Variants in F9 observed in about 807,000 individuals in gnomAD.
F9 encodes coagulation factor IX.
A neutral mutation model predicts 34.1 loss-of-function variants in F9; 2 were observed. The ratio of observed to expected loss-of-function variants is 0.06; its 90% CI spans 0.02 to 0.18. The LOEUF is 0.18. Ranked by LOEUF, F9 falls within the 10% of genes least tolerant of loss-of-function variation. F9 has a pLI of 1.00. For synonymous variants in F9, 137 were observed against 118.8 expected (o/e 1.15, Z -1.00); for missense variants, 216 against 345.1 (o/e 0.63, Z 2.96).
chrX:139,561,835 C>T lies in F9; in HGVS notation c.1150C>T (p.Arg384Ter), dbSNP rs137852261. 8.3e-7 allele frequency: 1 copy of T among 1,210,030 alleles called. No individual in the cohort carries two copies. Among genetic ancestry groups the T allele is most frequent in the African/African-American group, 1.8e-5 (1 of 57,105 alleles). The change falls in exon 8 of 8, where the codon CGA becomes TGA. Residue 384 changes from arginine to a stop codon, truncating the protein, a stop_gained. Coordinates refer to ENST00000218099, the MANE Select transcript of F9 (RefSeq NM_000133.4). LOFTEE classifies it high-confidence loss of function. ...ACTTGTTGACCGAGCCACATGTCTTCGATCTACAAAGTTCACCATCTATAA... is the reference window on the plus strand; with the variant it reads ...ACTTGTTGACCGAGCCACATGTCTTTGATCTACAAAGTTCACCATCTATAA... Reference protein sequence around the residue: ...VPLVDRATCLRSTKFTIYNNM... With the variant: ...VPLVDRATCL
At chrX:139,561,392 A>G (rs1928098033) in intron 7 of F9, 132 bp from the exon 8 acceptor site, 1 of 606,051 alleles carries the variant, frequency 1.7e-6, no homozygotes, top group African/African-American at 2.3e-5. Context: ...ATTACATTTA[A>G]CCAAAATTAT....
intron 3 of F9, among the ~76,000 whole-genome samples, chrX:139,539,769 G>A (rs1329934550): frequency 8.9e-6 from 1 of 112,171 alleles, no homozygotes; most frequent in African/African-American, 3.2e-5. Flanking sequence ...GAACAAATTA[G>A]AGTATCTGTG....
intron 6 of F9, among the ~76,000 whole-genome samples, chrX:139,557,027 T>A (rs1927983793): frequency 8.9e-6 from 1 of 112,369 alleles, no homozygotes; most frequent in Non-Finnish European, 1.9e-5. Flanking sequence ...GGGCTGGCAT[T>A]GTCAATGAAG....
intron 1 of F9, among the ~76,000 whole-genome samples, chrX:139,536,214 C>CTGTGT (rs1569481876): frequency 1.5e-4 from 11 of 72,583 alleles, no homozygotes; most frequent in Admixed American, 1.5e-3. Flanking sequence ...TATATACACA[C>CTGTGT]ACATATATAT....
intron 6 of F9, among the ~76,000 whole-genome samples, chrX:139,557,417 C>G (rs1927993095): frequency 8.9e-6 from 1 of 111,911 alleles, no homozygotes; most frequent in Non-Finnish European, 1.9e-5. Flanking sequence ...AAAAATAATG[C>G]TCTTCAGACT....
chrX:139,537,624 C>T (rs181115101), intron 3 of F9, among the ~76,000 whole-genome samples: 1 of 111,530 alleles, frequency 9.0e-6, no homozygotes, highest in Non-Finnish European at 1.9e-5. Flanking sequence ...TGTTCCACCC[C>T]AGGAGGGTGG....
intron 6 of F9, among the ~76,000 whole-genome samples, chrX:139,557,275 CA>C (rs1927989547): frequency 8.9e-6 from 1 of 111,985 alleles, no homozygotes; most frequent in Admixed American, 9.5e-5. Context: ...TCTCATACCC[CA>C]AATAGCTAAT....
chrX:139,560,624 C>T, intron 6 of F9, 117 bp from the exon 7 acceptor site: 1 of 530,981 alleles, frequency 1.9e-6, no homozygotes, highest in South Asian at 2.6e-5. Context: ...AGAAACATTC[C>T]ATTTCTGCCA....
chrX:139,539,154 A>G (rs992122516), intron 3 of F9, among the ~76,000 whole-genome samples: 4 of 111,901 alleles, frequency 3.6e-5, no homozygotes, highest in African/African-American at 6.5e-5. Context: ...CAACCACATT[A>G]CTAGCATCTG....
intron 3 of F9, among the ~76,000 whole-genome samples, chrX:139,538,627 G>A (rs372424074): frequency 1.3e-4 from 15 of 111,440 alleles, no homozygotes; most frequent in Non-Finnish European, 2.3e-4. Context: ...TCTTAGAAAC[G>A]AATACTACCA....
At chrX:139,560,568 G>C (rs926402475) in intron 6 of F9, among the ~76,000 whole-genome samples, 173 bp from the exon 7 acceptor site, 7 of 112,103 alleles carry the variant, frequency 6.2e-5, no homozygotes, top group Admixed American at 4.7e-4. Flanking sequence ...TGGCTTTTTT[G>C]TTTATGCACC....
At position 139,559,066 on chromosome X, in the gene F9, C is replaced by T. The variant is rs143710181; in HGVS notation, c.724-1675C>T. On this transcript the variant is annotated intron_variant, in intron 6 of 7. Transcript: ENST00000218099. ...CATCTATAAATAAATATATTAATAT[C>T]ATGTCATAAGGATATTATGTTGTAT... Among the ~76,000 whole-genome samples, 638 of 112,126 alleles carry T rather than the reference C, an allele frequency of 5.7e-3. 18 individuals carry two copies. The highest frequency in any genetic ancestry group is 0.054 in the Admixed American group (572 of 10,546).
At chrX:139,550,954 C>G (rs1465943409) in intron 5 of F9, 108 bp from the exon 6 acceptor site, 1 of 634,871 alleles carries the variant, frequency 1.6e-6, no homozygotes, top group African/African-American at 2.2e-5. Flanking sequence ...ACTGATGGGC[C>G]TGCTTCTCAG....
intron 4 of F9, among the ~76,000 whole-genome samples, chrX:139,544,135 G>A (rs190775660): frequency 8.9e-6 from 1 of 111,977 alleles, no homozygotes; most frequent in East Asian, 2.8e-4. Context: ...TCACAATTGA[G>A]AAAACACAGA....
Position 139,562,100 on chromosome X carries a change from T to C in F9, c.*29T>C, listed in dbSNP as rs746927463. 2.5e-6 allele frequency: 3 copies of C among 1,178,246 alleles called. No individual in the cohort carries two copies. Among genetic ancestry groups the C allele is most frequent in the East Asian group, 3.0e-5 (1 of 33,722 alleles). Reference sequence around the variant, plus strand: ...AAGATGGATTTCCAAGGTTAATTCATTGGAATTGAAAATTAACAGGGCCTC... The same window carrying C: ...AAGATGGATTTCCAAGGTTAATTCACTGGAATTGAAAATTAACAGGGCCTC... On this transcript the variant is annotated 3_prime_UTR_variant, in exon 8 of 8. Transcript: ENST00000218099.
intron 4 of F9, 26 bp downstream of exon 4, chrX:139,541,215 A>G (rs1481906023): frequency 9.7e-7 from 1 of 1,032,835 alleles, no homozygotes; most frequent in South Asian, 1.9e-5. Context: ...TTGAATACTC[A>G]TGGTTCAAAG....
chrX:139,546,899 C>T (rs1400931357), intron 4 of F9, among the ~76,000 whole-genome samples: 1 of 111,855 alleles, frequency 8.9e-6, no homozygotes, highest in Non-Finnish European at 1.9e-5. Context: ...GGATTCAATG[C>T]AATACCAAAG....
intron 6 of F9, among the ~76,000 whole-genome samples, chrX:139,553,670 C>T (rs146118805): frequency 8.3e-5 from 9 of 108,407 alleles, no homozygotes; most frequent in African/African-American, 1.3e-4. Context: ...AAAATTAGCC[C>T]GGCGTGGTGG....
intron 6 of F9, among the ~76,000 whole-genome samples, chrX:139,555,454 G>A (rs1352964295): frequency 8.8e-6 from 1 of 113,174 alleles, no homozygotes; most frequent in Non-Finnish European, 1.9e-5. Context: ...TAGCTTCCCA[G>A]GAGCCCCCTA....
Sources: allele counts gnomAD v4.1 joint callset (sites outside exome capture counted in the v4.1 genomes callset), GRCh38; gene constraint gnomAD v4.1.1; transcripts MANE v1.5; gene names NCBI Gene and HGNC (gene_info 2026-07-23, HGNC 2026-07-21).